SMYD3: variants seen among roughly 807,000 people sequenced by gnomAD.
SMYD3 encodes SET and MYND domain containing 3.
Under a neutral mutation model 57.7 loss-of-function variants are expected in SMYD3, and 36 were observed. That is an observed-to-expected ratio of 0.62 (90% confidence interval 0.48 to 0.82). SMYD3 has a LOEUF of 0.82. Among genes scored for constraint, SMYD3 ranks in the 40% least tolerant of loss-of-function variants. The pLI, the probability that SMYD3 is intolerant of heterozygous loss-of-function variation, is 0.00. For synonymous variants in SMYD3, 211 were observed against 195.0 expected (o/e 1.08, Z -0.68); for missense variants, 515 against 538.8 (o/e 0.96, Z 0.44).
chr1:246,134,746 T>G (rs1347172243), intron 5 of SMYD3, among the ~76,000 whole-genome samples: 1 of 151,588 alleles, frequency 6.6e-6, no homozygotes, highest in East Asian at 1.9e-4. Flanking sequence ...CATGCAGCTT[T>G]CCATTTGCAT....
intron 5 of SMYD3, among the ~76,000 whole-genome samples, chr1:246,121,233 AT>A (rs11324531): frequency 0.83 from 126,299 of 151,898 alleles, 52,693 homozygotes; most frequent in Admixed American, 0.88. Flanking sequence ...CTCTATGAGT[AT>A]TTTTTTTAAG....
intron 10 of SMYD3, among the ~76,000 whole-genome samples, chr1:245,826,303 T>A (rs2049488038): frequency 6.6e-6 from 1 of 152,138 alleles, no homozygotes; most frequent in African/African-American, 2.4e-5. Flanking sequence ...TATCTTTTTG[T>A]GGCTGACTTC....
At chr1:246,168,763 T>C (rs1440437895) in intron 5 of SMYD3, among the ~76,000 whole-genome samples, 1 of 152,150 alleles carries the variant, frequency 6.6e-6, no homozygotes, top group Non-Finnish European at 1.5e-5. Context: ...GTCCACCTGC[T>C]TGGGTCTAAA....
chr1:245,959,146 A>G (rs748113687), intron 5 of SMYD3, among the ~76,000 whole-genome samples: 3 of 125,322 alleles, frequency 2.4e-5, no homozygotes, highest in Non-Finnish European at 5.5e-5. Context: ...CAAACAAACA[A>G]AAAACAAACA....
rs143521072 is a variant in SMYD3, at chr1:245,921,549, G to GTATATATATATATATATATATATATA, written c.703-5910_703-5909insTATATATATATATATATATATATATA. ...TCAACAGTGAGCTAAAAAATGTGGT[G>GTATATATATATATATATATATATATA]TATATATATATATATATATATACAC... On this transcript the variant is annotated intron_variant, in intron 7 of 11. Transcript: ENST00000490107. 4.4e-4 allele frequency among the ~76,000 whole-genome samples: 62 copies of GTATATATATATATATATATATATATA among 141,378 alleles called. No homozygotes were observed. The South Asian group carries it at 6.0e-3, about 14-fold the overall frequency. 92.7% of individuals were successfully genotyped at this position (141,378 alleles called of 152,430 possible). A position where few individuals can be genotyped will look rare whatever the true frequency, so the allele number is the denominator to read the frequency against.
intron 10 of SMYD3, among the ~76,000 whole-genome samples, chr1:245,842,872 A>C (rs1287987792): frequency 6.6e-6 from 1 of 152,036 alleles, no homozygotes; most frequent in African/African-American, 2.4e-5. Context: ...TACCATGCCC[A>C]GCTAATTTTC....
At chr1:246,400,610 T>C (rs375151614) in intron 1 of SMYD3, among the ~76,000 whole-genome samples, 3 of 152,334 alleles carry the variant, frequency 2.0e-5, no homozygotes, top group East Asian at 3.9e-4. Context: ...GTATCGGTCA[T>C]TAATTGTGCT....
chr1:246,476,923 T>C (rs2068037150), intron 1 of SMYD3, among the ~76,000 whole-genome samples: 1 of 152,172 alleles, frequency 6.6e-6, no homozygotes, highest in Non-Finnish European at 1.5e-5. Context: ...CAAAAACCTG[T>C]AAAAGACAGC....
intron 8 of SMYD3, among the ~76,000 whole-genome samples, chr1:245,884,236 T>A (rs1431685056): frequency 6.6e-6 from 1 of 152,188 alleles, no homozygotes; most frequent in Non-Finnish European, 1.5e-5. Context: ...TAGGTCTCCC[T>A]GACCATGATG....
chr1:245,751,201 C>A (rs1323342838), intron 11 of SMYD3, among the ~76,000 whole-genome samples: 1 of 152,164 alleles, frequency 6.6e-6, no homozygotes, highest in African/African-American at 2.4e-5. Context: ...ATGATGCAGA[C>A]CTTCCAGAAT....
intron 1 of SMYD3, among the ~76,000 whole-genome samples, chr1:246,456,269 A>G (rs1428584447): frequency 6.6e-6 from 1 of 152,196 alleles, no homozygotes; most frequent in Non-Finnish European, 1.5e-5. Flanking sequence ...GCTTCACATT[A>G]GCATTACCTC....
At chr1:246,482,652 C>T (rs997561003) in intron 1 of SMYD3, among the ~76,000 whole-genome samples, 5 of 152,170 alleles carry the variant, frequency 3.3e-5, no homozygotes, top group Admixed American at 2.0e-4. Flanking sequence ...CAGTCAAGTG[C>T]TTTCTTCTAA....
intron 5 of SMYD3, among the ~76,000 whole-genome samples, chr1:246,114,571 G>C (rs2061311177): frequency 6.6e-6 from 1 of 152,130 alleles, no homozygotes; most frequent in African/African-American, 2.4e-5. Flanking sequence ...CCTGCCTCTT[G>C]GCAGACAGCC....
chr1:246,332,841 G>A (rs950908713), intron 3 of SMYD3, among the ~76,000 whole-genome samples: 8 of 152,190 alleles, frequency 5.3e-5, no homozygotes, highest in African/African-American at 1.9e-4. Flanking sequence ...CTAAAAAAGT[G>A]CAAGGTGAAG....
chr1:246,052,287 T>C (rs1239172940), intron 5 of SMYD3, among the ~76,000 whole-genome samples: 2 of 152,234 alleles, frequency 1.3e-5, no homozygotes, highest in Admixed American at 6.5e-5. Context: ...CAGGGAACGA[T>C]GATGGGGTCA....
intron 5 of SMYD3, among the ~76,000 whole-genome samples, chr1:246,056,812 C>G (rs958522546): frequency 3.9e-5 from 6 of 152,046 alleles, no homozygotes; most frequent in Admixed American, 1.3e-4. Context: ...ATAGGTACTT[C>G]TGTTCACATT....
At chr1:246,172,536 T>C in intron 5 of SMYD3, among the ~76,000 whole-genome samples, 1 of 147,148 alleles carries the variant, frequency 6.8e-6, no homozygotes, top group South Asian at 2.3e-4. Flanking sequence ...CTGTAGACTT[T>C]ATCAACACTG....
chr1:246,435,822 A>AATTCCAAGGAGAAGATAC (rs1475136988), intron 1 of SMYD3, among the ~76,000 whole-genome samples: 4 of 152,006 alleles, frequency 2.6e-5, no homozygotes, highest in Admixed American at 6.6e-5. Flanking sequence ...AGATACAAGG[A>AATTCCAAGGAGAAGATAC]AACTGGACAA....
At chr1:245,860,001 C>T (rs2051449912) in intron 9 of SMYD3, among the ~76,000 whole-genome samples, 1 of 152,196 alleles carries the variant, frequency 6.6e-6, no homozygotes, top group Non-Finnish European at 1.5e-5. Context: ...TTCCAGGTGT[C>T]AGAGACACAG....
Sources: allele counts gnomAD v4.1 joint callset (sites outside exome capture counted in the v4.1 genomes callset), GRCh38; gene constraint gnomAD v4.1.1; transcripts MANE v1.5; gene names NCBI Gene and HGNC (gene_info 2026-07-23, HGNC 2026-07-21).